Variants in PBLD observed in about 807,000 individuals in gnomAD.
PBLD encodes the protein phenazine biosynthesis-like domain-containing protein.
In PBLD, 26 loss-of-function variants were observed where a neutral mutation model predicts 31.3. That is an observed-to-expected ratio of 0.83 (90% CI 0.61 to 1.15). The LOEUF (loss-of-function observed/expected upper bound fraction) is 1.15. Ranked by LOEUF, PBLD falls within the 50% of genes most tolerant of loss-of-function variation. PBLD has a pLI of 0.00. For synonymous variants in PBLD, 114 were observed against 129.0 expected (o/e 0.88, Z 0.79); for missense variants, 307 against 351.7 (o/e 0.87, Z 1.02).
chr10:68,290,546 C>T (rs1196748007), intron 6 of PBLD, among the ~76,000 whole-genome samples: 2 of 152,050 alleles, frequency 1.3e-5, no homozygotes, highest in Non-Finnish European at 2.9e-5. Context: ...GGAGACACCC[C>T]GTCTCCACTA....
At chr10:68,299,405 A>G in intron 2 of PBLD, among the ~76,000 whole-genome samples, 1 of 152,264 alleles carries the variant, frequency 6.6e-6, no homozygotes, top group South Asian at 2.1e-4. Flanking sequence ...TTTTATATTA[A>G]TAAATTCATA....
intron 1 of PBLD, among the ~76,000 whole-genome samples, chr10:68,319,081 A>AAGAAAG (rs1323557050): frequency 7.6e-6 from 1 of 131,298 alleles, no homozygotes; most frequent in Non-Finnish European, 1.6e-5. Flanking sequence ...GAAAGAAAGA[A>AAGAAAG]AGAAAGAAAG....
rs1484939522 is a variant in PBLD, at chr10:68,283,316, C to T, written c.*861G>A. 1.3e-5 allele frequency: 2 copies of T among 152,180 alleles called. No homozygotes were observed. Among genetic ancestry groups the T allele is most frequent in the Non-Finnish European group, 2.9e-5 (2 of 68,016 alleles). 9.4% of individuals were successfully genotyped at this position (152,180 alleles called of 1,614,324 possible). ...CTGAGTACAACAATAAAGGAAATCA[C>T]TTCTTAGATACATTAAAATTACTTC... On this transcript the variant is annotated 3_prime_UTR_variant, in exon 10 of 10. Coordinates refer to ENST00000358769, the MANE Select transcript of PBLD (RefSeq NM_022129.4).
chr10:68,306,395 T>C (rs2044579598), intron 2 of PBLD, among the ~76,000 whole-genome samples: 1 of 152,228 alleles, frequency 6.6e-6, no homozygotes, highest in African/African-American at 2.4e-5. Flanking sequence ...TAGGATCTGT[T>C]ATGCTCAATG....
chr10:68,284,411 C>T lies in PBLD; in HGVS notation c.755-122G>A, dbSNP rs1325375663. 7.2e-6 allele frequency: 6 copies of T among 838,926 alleles called. No individual in the cohort carries two copies. The Admixed American group carries it at 9.6e-5, about 13-fold the overall frequency. The allele number at this position is 838,926 out of a possible 1,614,324, so 52.0% of individuals were successfully genotyped here. ...GATCAGTTTCAAGAATAAATTCCTTCGTCTGTTTATGGTACTGCCCACTCC... is the reference window on the plus strand; with the variant it reads ...GATCAGTTTCAAGAATAAATTCCTTTGTCTGTTTATGGTACTGCCCACTCC... On this transcript the variant is annotated intron_variant, in intron 9 of 9. Transcript: ENST00000358769.
At chr10:68,313,333 T>C (rs1199291962) in intron 1 of PBLD, among the ~76,000 whole-genome samples, 1 of 152,226 alleles carries the variant, frequency 6.6e-6, no homozygotes, top group African/African-American at 2.4e-5. Context: ...CAGAAGCTTT[T>C]TAGTTATGTA....
chr10:68,325,152 G>A (rs533595254), intron 1 of PBLD, among the ~76,000 whole-genome samples: 1 of 152,212 alleles, frequency 6.6e-6, no homozygotes, highest in African/African-American at 2.4e-5. Flanking sequence ...GCTGAGGCAG[G>A]AGAATTGCTT....
At chr10:68,309,242 CA>C (rs1488173589) in intron 1 of PBLD, among the ~76,000 whole-genome samples, 1 of 148,404 alleles carries the variant, frequency 6.7e-6, no homozygotes, top group Non-Finnish European at 1.5e-5. Flanking sequence ...CCATCTCTAC[CA>C]AAAATATGAA....
chr10:68,313,299 C>T (rs1190435915), intron 1 of PBLD, among the ~76,000 whole-genome samples: 1 of 152,202 alleles, frequency 6.6e-6, no homozygotes, highest in Admixed American at 6.5e-5. Context: ...TTTGTCTCTT[C>T]ATTCTGTTGT....
At chr10:68,285,474 T>G in intron 8 of PBLD, 64 bp from the exon 9 acceptor site, 1 of 1,539,430 alleles carries the variant, frequency 6.5e-7, no homozygotes, top group South Asian at 1.3e-5. Flanking sequence ...TGTGGTAAAT[T>G]TCTAAGCAAT....
intron 9 of PBLD, 162 bp downstream of exon 9, chr10:68,285,185 TG>T: frequency 6.8e-7 from 1 of 1,469,850 alleles, no homozygotes. Flanking sequence ...GAAGGCTGTT[TG>T]GGGTGGAGGA....
intron 2 of PBLD, among the ~76,000 whole-genome samples, chr10:68,301,330 T>G (rs1464966506): frequency 6.6e-6 from 1 of 152,066 alleles, no homozygotes; most frequent in Non-Finnish European, 1.5e-5. Flanking sequence ...AAGTGAGAAA[T>G]CCCACCTAAG....
chr10:68,301,355 G>A (rs953332358), intron 2 of PBLD, among the ~76,000 whole-genome samples: 3 of 152,118 alleles, frequency 2.0e-5, no homozygotes, highest in Non-Finnish European at 4.4e-5. Context: ...GGAGTAGAGG[G>A]GGCCACTGGA....
intron 1 of PBLD, among the ~76,000 whole-genome samples, chr10:68,329,653 G>A: frequency 6.6e-6 from 1 of 151,976 alleles, no homozygotes; most frequent in East Asian, 1.9e-4. Context: ...CAGTGTCTTG[G>A]GACTCACAGT....
At position 68,329,492 on chromosome 10, in the gene PBLD, C is replaced by T. The variant is rs1043053209; in HGVS notation, c.-60+3292G>A. Among the ~76,000 whole-genome samples, 3 of 152,174 alleles carry T rather than the reference C, an allele frequency of 2.0e-5. No homozygotes were observed. The South Asian group carries it at 6.2e-4, about 31-fold the overall frequency. On this transcript the variant is annotated intron_variant, in intron 1 of 9. Coordinates refer to ENST00000358769, the MANE Select transcript of PBLD (RefSeq NM_022129.4). ...AAGGAGATTACAGAATTCCATCTGCCAAATCGGTTGAAAGACTGAAAGGAT... is the reference window on the plus strand; with the variant it reads ...AAGGAGATTACAGAATTCCATCTGCTAAATCGGTTGAAAGACTGAAAGGAT...
intron 1 of PBLD, among the ~76,000 whole-genome samples, chr10:68,319,075 GAA>G (rs1461356785): frequency 8.3e-6 from 1 of 120,592 alleles, no homozygotes; most frequent in East Asian, 2.7e-4. Context: ...AAGAAAGAAA[GAA>G]AGAAAGAAAG....
intron 8 of PBLD, chr10:68,288,139 T>C: frequency 3.9e-6 from 1 of 254,768 alleles, no homozygotes; most frequent in Non-Finnish European, 7.5e-6. Flanking sequence ...GCCCTTAACA[T>C]GCATTGTGCT....
chr10:68,312,326 C>T (rs183500358), intron 1 of PBLD, among the ~76,000 whole-genome samples: 1 of 152,244 alleles, frequency 6.6e-6, no homozygotes. Flanking sequence ...TCCCTCTTCT[C>T]CACGTCCTCA....
chr10:68,312,368 AAT>A, intron 1 of PBLD, among the ~76,000 whole-genome samples: 1 of 152,228 alleles, frequency 6.6e-6, no homozygotes, highest in African/African-American at 2.4e-5. Flanking sequence ...TTTTTTTTAT[AAT>A]AGTCATTCAA....
Sources: allele counts gnomAD v4.1 joint callset (sites outside exome capture counted in the v4.1 genomes callset), GRCh38; gene constraint gnomAD v4.1.1; transcripts MANE v1.5; gene names NCBI Gene and HGNC (gene_info 2026-07-23, HGNC 2026-07-21).